The following TNRC6A variants were observed in gnomAD, a reference collection of about 807,000 sequenced individuals.
TNRC6A encodes the protein trinucleotide repeat-containing gene 6A protein.
TNRC6A carries 44 observed loss-of-function variants against 221.2 expected under a neutral mutation model. The ratio of observed to expected loss-of-function variants is 0.20; its 90% CI spans 0.16 to 0.26. The LOEUF (loss-of-function observed/expected upper bound fraction) is 0.26. Ranked by LOEUF, TNRC6A falls within the 10% of genes least tolerant of loss-of-function variation. The probability of loss-of-function intolerance (pLI) is 1.00; values close to 1 mark genes in which losing one functional copy is unlikely to be tolerated. For missense variants in TNRC6A, 2,199 were observed against 2,404.4 expected, an observed-to-expected ratio of 0.91 and a Z score of 1.79; for synonymous variants, 847 against 838.5, an observed-to-expected ratio of 1.01 and a Z score of -0.18.
In TNRC6A at chr16:24,729,684, T is replaced by TCGGCGGCGGCGGCGGTGTCGG. The variant is rs1555495626; in HGVS notation, c.-143_-142insTGTCGGCGGCGGCGGCGGCGG. 8 of 630,270 alleles carry TCGGCGGCGGCGGCGGTGTCGG rather than the reference T, an allele frequency of 1.3e-5. No individual in the cohort carries two copies. The East Asian group carries it at 2.6e-4, about 20-fold the overall frequency. The allele number at this position is 630,270 out of a possible 1,614,324, so 39.0% of individuals were successfully genotyped here. A position where few individuals can be genotyped will look rare whatever the true frequency, so the allele number is the denominator to read the frequency against. Reference sequence around the variant, plus strand: ...TCTGGGGCCTGCGGCGGCGGCGGTGTCGGCGGCGGCGGCGGCGGCGGCGGC... The same window carrying TCGGCGGCGGCGGCGGTGTCGG: ...TCTGGGGCCTGCGGCGGCGGCGGTGTCGGCGGCGGCGGCGGTGTCGGCGGCGGCGGCGGCGGCGGCGGCGGC... On this transcript the variant is annotated 5_prime_UTR_variant, in exon 1 of 25. Transcript: ENST00000395799.
intron 4 of TNRC6A, among the ~76,000 whole-genome samples, chr16:24,758,891 C>G (rs112458170): frequency 6.6e-6 from 1 of 151,916 alleles, no homozygotes; most frequent in South Asian, 2.1e-4. Context: ...CAAAAGACAT[C>G]GGAGTGATAA....
chr16:24,668,392 C>CATATAT (rs10661967), intron 2 of TNRC6A, among the ~76,000 whole-genome samples: 5 of 151,634 alleles, frequency 3.3e-5, no homozygotes, highest in African/African-American at 1.2e-4. Context: ...AAATAAATTA[C>CATATAT]ATATATATAT....
At chr16:24,730,738 C>T (rs559910129) in intron 2 of TNRC6A, among the ~76,000 whole-genome samples, 2 of 11,236 alleles carry the variant, frequency 1.8e-4, no homozygotes, top group South Asian at 6.6e-3. Flanking sequence ...CGCATTCCCC[C>T]CCGCCCCCCC....
At chr16:24,817,704 C>A (rs1370922661) in intron 20 of TNRC6A, among the ~76,000 whole-genome samples, 1 of 151,968 alleles carries the variant, frequency 6.6e-6, no homozygotes. Context: ...CCATCTATAC[C>A]TTTAAACAGT....
chr16:24,806,493 T>A, intron 16 of TNRC6A, 81 bp from the exon 17 acceptor site: 1 of 1,545,130 alleles, frequency 6.5e-7, no homozygotes, highest in East Asian at 2.3e-5. Context: ...GAAAGTGAAT[T>A]CAAAAATGGA....
At chr16:24,780,879 C>G (rs2057826952) in intron 5 of TNRC6A, among the ~76,000 whole-genome samples, 1 of 151,842 alleles carries the variant, frequency 6.6e-6, no homozygotes, top group South Asian at 2.1e-4. Context: ...AAAATGCTGT[C>G]CATCCCCATC....
At chr16:24,733,695 C>T (rs1036658257) in intron 2 of TNRC6A, among the ~76,000 whole-genome samples, 1 of 152,170 alleles carries the variant, frequency 6.6e-6, no homozygotes, top group Non-Finnish European at 1.5e-5. Context: ...TATAGAGGTT[C>T]TTGAATGTCA....
chr16:24,731,975 T>C lies in TNRC6A; in HGVS notation c.53+1675T>C, dbSNP rs186665526. Among the ~76,000 whole-genome samples, 81 of 152,374 alleles carry C rather than the reference T, an allele frequency of 5.3e-4. 1 individual carries two copies. Among genetic ancestry groups the C allele is most frequent in the Admixed American group, 5.3e-3 (81 of 15,308 alleles). ...GCTGTCCGTGTTCACAGAGGGCATG[T>C]ACAGTCTAGTAGAAAGACTATCATA... On this transcript the variant is annotated intron_variant, in intron 2 of 24. Coordinates refer to ENST00000395799, the MANE Select transcript of TNRC6A (RefSeq NM_014494.4).
intron 1 of TNRC6A, among the ~76,000 whole-genome samples, chr16:24,623,749 TA>T (rs538306317): frequency 2.0e-3 from 299 of 150,470 alleles, no homozygotes; most frequent in Non-Finnish European, 3.9e-3. Context: ...TAAAATAAAA[TA>T]AAATCAGCAG....
chr16:24,794,526 T>A lies in TNRC6A; in HGVS notation c.3353-18T>A, dbSNP rs764821073. On this transcript the variant is annotated intron_variant, in intron 7 of 24. Transcript: ENST00000395799. The stretch of plus-strand genomic sequence containing the variant: ...TTATTAAAGTATGTTTCTCTTTATA[T>A]CACAAATCCACAATCAGGGCCAAAA... The A allele has an allele frequency of 2.5e-6, 4 of 1,600,346 alleles. No homozygotes were observed. The Admixed American group carries it at 7.1e-5, about 28-fold the overall frequency.
At chr16:24,657,330 A>AC (rs2054933620) in intron 2 of TNRC6A, among the ~76,000 whole-genome samples, 1 of 148,612 alleles carries the variant, frequency 6.7e-6, no homozygotes. Flanking sequence ...AAAAAAAAAA[A>AC]AAAAAAAAAA....
At chr16:24,787,135 C>G (rs2057991077) in intron 5 of TNRC6A, among the ~76,000 whole-genome samples, 1 of 152,184 alleles carries the variant, frequency 6.6e-6, no homozygotes, top group African/African-American at 2.4e-5. Flanking sequence ...CAAATTGACC[C>G]TAACGAGGCA....
intron 2 of TNRC6A, chr16:24,664,996 A>G (rs933003714): frequency 1.5e-5 from 7 of 456,282 alleles, no homozygotes; most frequent in African/African-American, 6.0e-5. Flanking sequence ...CTAACATCAG[A>G]GGGGCAGGAT....
At chr16:24,751,392 A>G (rs927215687) in intron 3 of TNRC6A, among the ~76,000 whole-genome samples, 2 of 152,206 alleles carry the variant, frequency 1.3e-5, no homozygotes, top group African/African-American at 2.4e-5. Context: ...ATTAGCCTTA[A>G]AATAAACCTC....
At chr16:24,745,230 C>T (rs1596595989) in intron 2 of TNRC6A, among the ~76,000 whole-genome samples, 1 of 152,174 alleles carries the variant, frequency 6.6e-6, no homozygotes, top group African/African-American at 2.4e-5. Context: ...TCCAAATCTC[C>T]AACTTCCTTA....
rs992324486 is a variant in TNRC6A, at chr16:24,799,861, C to G, written c.3694+1895C>G. On this transcript the variant is annotated intron_variant, in intron 11 of 24. Coordinates refer to ENST00000395799, the MANE Select transcript of TNRC6A (RefSeq NM_014494.4). The stretch of plus-strand genomic sequence containing the variant: ...GATCTGAGCCCCCAGTTGTCCTTGC[C>G]TTTTATGGTTGCCATTGTTTTTCAT... 4.9e-4 allele frequency among the ~76,000 whole-genome samples: 75 copies of G among 152,268 alleles called. 3 individuals are homozygous for G. Among genetic ancestry groups the G allele is most frequent in the Middle Eastern group, 3.4e-3 (1 of 294 alleles).
intron 18 of TNRC6A, among the ~76,000 whole-genome samples, chr16:24,812,772 C>A (rs1596807982): frequency 1.3e-5 from 2 of 151,852 alleles, no homozygotes; most frequent in East Asian, 3.9e-4. Flanking sequence ...CAAGTGTAGC[C>A]CTGTTAAGTG....
At chr16:24,643,787 C>T (rs1030247560) in intron 2 of TNRC6A, among the ~76,000 whole-genome samples, 3 of 149,238 alleles carry the variant, frequency 2.0e-5, no homozygotes, top group Middle Eastern at 3.2e-3. Context: ...GGACACTGAT[C>T]CTATGCCGAA....
intron 2 of TNRC6A, among the ~76,000 whole-genome samples, chr16:24,748,551 A>G (rs1397115943): frequency 6.6e-6 from 1 of 152,140 alleles, no homozygotes; most frequent in Non-Finnish European, 1.5e-5. Context: ...AACAGTTATC[A>G]TACTCTTCTT....
Sources: gnomAD v4.1 joint callset for allele counts (sites outside exome capture counted in the v4.1 genomes callset) on GRCh38, gnomAD v4.1.1 for gene constraint, MANE v1.5 for transcripts, NCBI Gene and HGNC (gene_info 2026-07-23, HGNC 2026-07-21) for gene names.